MYO16: variants seen among roughly 807,000 people sequenced by gnomAD.
The protein encoded by MYO16 is unconventional myosin-XVI.
In MYO16, 94 loss-of-function variants were observed where a neutral mutation model predicts 205.3. That is an observed-to-expected ratio of 0.46 (90% confidence interval 0.39 to 0.54). The LOEUF (loss-of-function observed/expected upper bound fraction) is 0.54, where lower values mean the gene tolerates loss of function less well. Among genes scored for constraint, MYO16 ranks in the 20% least tolerant of loss-of-function variants. The pLI is 0.00. For synonymous variants in MYO16, 988 were observed against 954.0 expected (o/e 1.04, Z -0.66); for missense variants, 2,315 against 2,387.5 (o/e 0.97, Z 0.63).
the MYO16 span, among the ~76,000 whole-genome samples, chr13:108,499,333 G>T: frequency 5.9e-5 from 9 of 152,180 alleles, no homozygotes; most frequent in Non-Finnish European, 1.2e-4. Flanking sequence ...TGTGCTCCTT[G>T]GGATGCTAAC....
chr13:108,665,621 T>C (rs977360062), intron 1 of MYO16, among the ~76,000 whole-genome samples: 10 of 152,220 alleles, frequency 6.6e-5, no homozygotes, highest in African/African-American at 1.9e-4. Context: ...CAGGAAGAGA[T>C]GGATGGTTAG....
intron 34 of MYO16, among the ~76,000 whole-genome samples, chr13:109,192,121 T>C (rs1414582714): frequency 2.0e-5 from 3 of 152,224 alleles, no homozygotes; most frequent in African/African-American, 4.8e-5. Context: ...CTGATTTTTC[T>C]CTGATTTTTA....
chr13:109,024,142 T>C (rs1330170658), intron 23 of MYO16, among the ~76,000 whole-genome samples: 1 of 150,698 alleles, frequency 6.6e-6, no homozygotes, highest in Non-Finnish European at 1.5e-5. Flanking sequence ...TTCATGTTCT[T>C]TGAATTTGAG....
At chr13:108,981,385 G>C (rs1405250510) in intron 20 of MYO16, among the ~76,000 whole-genome samples, 1 of 152,230 alleles carries the variant, frequency 6.6e-6, no homozygotes, top group Non-Finnish European at 1.5e-5. Context: ...TTATTAGTCT[G>C]TGCATCCATG....
At chr13:108,971,809 C>T (rs1041563200) in intron 20 of MYO16, among the ~76,000 whole-genome samples, 7 of 151,926 alleles carry the variant, frequency 4.6e-5, no homozygotes, top group Non-Finnish European at 1.0e-4. Context: ...GTTACAAAAA[C>T]TTGTTTATTT....
At chr13:108,888,324 G>T (rs1450881687) in intron 13 of MYO16, 48 bp from the exon 14 acceptor site, 1 of 1,352,074 alleles carries the variant, frequency 7.4e-7, no homozygotes, top group East Asian at 2.5e-5. Flanking sequence ...AACAAGCTTT[G>T]AAGCAAAGTT....
At chr13:108,926,599 AG>A (rs1364791102) in intron 16 of MYO16, among the ~76,000 whole-genome samples, 1 of 152,172 alleles carries the variant, frequency 6.6e-6, no homozygotes, top group African/African-American at 2.4e-5. Flanking sequence ...AAAAGTCACC[AG>A]GAACAGGAGG....
chr13:108,586,128 G>A, the MYO16 span, among the ~76,000 whole-genome samples: 2 of 151,876 alleles, frequency 1.3e-5, no homozygotes, highest in East Asian at 3.9e-4. Flanking sequence ...ATACATTCAT[G>A]TAATTTACAC....
Position 108,946,503 on chromosome 13 carries a change from G to T in MYO16, c.1926-11185G>T, listed in dbSNP as rs866160216. Among the ~76,000 whole-genome samples the T allele has an allele frequency of 5.3e-5, 8 of 152,278 alleles. 1 individual carries two copies. The Middle Eastern group carries it at 0.024, about 453-fold the overall frequency. ...AATACATATGGAAACTTCCAGGTAT[G>T]TGTAAACCTTCTGTACACCCAATAT... On this transcript the variant is annotated intron_variant, in intron 16 of 34. Coordinates refer to ENST00000457511, the MANE Select transcript of MYO16 (RefSeq NM_001198950.3).
chr13:108,938,179 C>A (rs1399257096), intron 16 of MYO16, among the ~76,000 whole-genome samples: 1 of 152,040 alleles, frequency 6.6e-6, no homozygotes, highest in Non-Finnish European at 1.5e-5. Context: ...TTTGGCTTTG[C>A]CTGTGTACAC....
chr13:108,855,484 G>C lies in MYO16; in HGVS notation c.1290G>C (p.Thr430=), dbSNP rs780284499. The change falls in exon 11 of 35, where the codon ACG becomes ACC. Residue 430 remains threonine (T), a synonymous_variant. Transcript: ENST00000457511. ...CTGCCCCAAACGATGACCTGGCAAC[G>C]CTCAGCGAGCTCAATGATGGCAGCC... ...MPPAPNDDLA[T]LSELNDGSLL... 6.3e-7 allele frequency: 1 copy of C among 1,596,588 alleles called. No homozygotes were observed. The highest frequency in any genetic ancestry group is 2.2e-5 in the East Asian group (1 of 44,626).
At chr13:108,565,038 G>C in the MYO16 span, among the ~76,000 whole-genome samples, 2 of 152,266 alleles carry the variant, frequency 1.3e-5, no homozygotes, top group Non-Finnish European at 2.9e-5. Context: ...CTACCATGCT[G>C]TTTTGGTTAT....
chr13:108,771,658 G>T (rs1046772197), intron 4 of MYO16, among the ~76,000 whole-genome samples: 1 of 151,634 alleles, frequency 6.6e-6, no homozygotes, highest in Admixed American at 6.6e-5. Flanking sequence ...ATCACCACCC[G>T]ACCCATCTCC....
chr13:108,669,868 A>G (rs1881907542), intron 2 of MYO16, among the ~76,000 whole-genome samples: 1 of 152,136 alleles, frequency 6.6e-6, no homozygotes, highest in East Asian at 1.9e-4. Context: ...GTGGGAGTTG[A>G]ACAATGAGAA....
At chr13:108,666,683 T>C (rs923118693) in intron 2 of MYO16, among the ~76,000 whole-genome samples, 2 of 152,146 alleles carry the variant, frequency 1.3e-5, no homozygotes, top group African/African-American at 4.8e-5. Flanking sequence ...AGCAGTAATG[T>C]CACTTTCCCC....
At chr13:109,050,717 T>C (rs930211269) in intron 24 of MYO16, among the ~76,000 whole-genome samples, 3 of 152,216 alleles carry the variant, frequency 2.0e-5, no homozygotes, top group African/African-American at 7.2e-5. Context: ...TAATTATTTA[T>C]TTATGAGTGT....
intron 15 of MYO16, among the ~76,000 whole-genome samples, chr13:108,909,689 T>G (rs1293151439): frequency 6.6e-6 from 1 of 152,036 alleles, no homozygotes; most frequent in African/African-American, 2.4e-5. Context: ...AGTGGGATAT[T>G]AATGAGGAAA....
chr13:108,504,208 G>A, the MYO16 span, among the ~76,000 whole-genome samples: 7 of 152,090 alleles, frequency 4.6e-5, no homozygotes, highest in Non-Finnish European at 8.8e-5. Context: ...TGCAACCTTC[G>A]CCTCCGGGGT....
intron 28 of MYO16, among the ~76,000 whole-genome samples, chr13:109,118,537 T>A (rs1449162683): frequency 2.0e-5 from 3 of 152,228 alleles, no homozygotes; most frequent in African/African-American, 4.8e-5. Flanking sequence ...ATTGATCCCA[T>A]CCATTGTGGA....
Sources: gnomAD v4.1 joint callset for allele counts (sites outside exome capture counted in the v4.1 genomes callset) on GRCh38, gnomAD v4.1.1 for gene constraint, MANE v1.5 for transcripts, NCBI Gene and HGNC (gene_info 2026-07-23, HGNC 2026-07-21) for gene names.